HSD17B12: variants seen among roughly 807,000 people sequenced by gnomAD.
The protein encoded by HSD17B12 is very-long-chain 3-oxoacyl-CoA reductase.
In HSD17B12, 32 loss-of-function variants were observed where a neutral mutation model predicts 39.3. That is an observed-to-expected ratio of 0.81 (90% CI 0.61 to 1.09). HSD17B12 has a LOEUF of 1.09. Ranked by LOEUF, HSD17B12 falls within the 50% of genes least tolerant of loss-of-function variation. The pLI is 0.00. For missense variants in HSD17B12, 342 were observed against 382.9 expected, an observed-to-expected ratio of 0.89 and a Z score of 0.89; for synonymous variants, 150 against 146.7, an observed-to-expected ratio of 1.02 and a Z score of -0.16.
chr11:43,703,841 T>A (rs1221554323), intron 1 of HSD17B12, among the ~76,000 whole-genome samples: 1 of 152,172 alleles, frequency 6.6e-6, no homozygotes, highest in East Asian at 1.9e-4. Flanking sequence ...GTTTTAACTT[T>A]AAAAAAAGAA....
chr11:43,824,526 C>A (rs1048464939), intron 6 of HSD17B12, among the ~76,000 whole-genome samples: 1 of 152,146 alleles, frequency 6.6e-6, no homozygotes, highest in Admixed American at 6.5e-5. Context: ...ATAGATGGAG[C>A]CTTCTTGCCA....
chr11:43,613,102 A>G, the HSD17B12 span, among the ~76,000 whole-genome samples: 1 of 152,186 alleles, frequency 6.6e-6, no homozygotes, highest in African/African-American at 2.4e-5. Flanking sequence ...GAGGGTTTCA[A>G]GTAAAAGAAT....
At chr11:43,574,172 G>A in the HSD17B12 span, among the ~76,000 whole-genome samples, 1 of 152,202 alleles carries the variant, frequency 6.6e-6, no homozygotes, top group Admixed American at 6.5e-5. Context: ...GGTAGTGGAT[G>A]GGCTAAGCTT....
At chr11:43,703,452 C>T (rs1949986053) in intron 1 of HSD17B12, among the ~76,000 whole-genome samples, 1 of 152,184 alleles carries the variant, frequency 6.6e-6, no homozygotes, top group African/African-American at 2.4e-5. Flanking sequence ...CCTCGGCCTC[C>T]CAAAGTGCTG....
chr11:43,698,354 C>G (rs1590669591), intron 1 of HSD17B12, among the ~76,000 whole-genome samples: 6 of 152,300 alleles, frequency 3.9e-5, no homozygotes, highest in Admixed American at 3.9e-4. Context: ...GTCTAGCCAT[C>G]ATTTAAGTTG....
chr11:43,842,865 G>A (rs1016541146), intron 9 of HSD17B12, among the ~76,000 whole-genome samples: 6 of 152,204 alleles, frequency 3.9e-5, no homozygotes, highest in Admixed American at 2.6e-4. Context: ...ATTAGGCCTT[G>A]TGAACAGACA....
rs1173660644 is a variant in HSD17B12, at chr11:43,856,266, C to T, written c.*1018C>T. 2.6e-5 allele frequency: 4 copies of T among 152,136 alleles called. No individual in the cohort carries two copies. The highest frequency in any genetic ancestry group is 5.9e-5 in the Non-Finnish European group (4 of 68,032). The allele number at this position is 152,136 out of a possible 1,614,324, so 9.4% of individuals were successfully genotyped here. ...TTACAATGACTTAATATAAGACTGA[C>T]TTTTATCCTGCTTCATAACTTGTAT... is the stretch of plus-strand genomic sequence containing the variant. On this transcript the variant is annotated 3_prime_UTR_variant, in exon 11 of 11. Transcript: ENST00000278353.
the HSD17B12 span, among the ~76,000 whole-genome samples, chr11:43,566,975 T>C: frequency 6.6e-6 from 1 of 152,172 alleles, no homozygotes; most frequent in East Asian, 1.9e-4. Flanking sequence ...TTTATAACAG[T>C]CATATTAGGT....
chr11:43,723,000 A>G (rs983339484), intron 1 of HSD17B12, among the ~76,000 whole-genome samples: 4 of 152,200 alleles, frequency 2.6e-5, no homozygotes, highest in Non-Finnish European at 4.4e-5. Context: ...TGGAAGCAGA[A>G]TGGTCATTTA....
rs192151135 is a variant in HSD17B12 at position 43,854,586 on chromosome 11, C to G, written c.685-129C>G. The G allele has an allele frequency of 1.5e-4, 161 of 1,040,392 alleles. No individual in the cohort carries two copies. In the African/African-American group the frequency reaches 2.4e-3, roughly 16 times the overall value. The allele number at this position is 1,040,392 out of a possible 1,614,324, so 64.4% of individuals were successfully genotyped here. A position where few individuals can be genotyped will look rare whatever the true frequency, so the allele number is the denominator to read the frequency against. ...AAGTTGGCTTTAGATAGCCACTTCT[C>G]TTTTCTTCTCTCTCTGTAAAGATAC... On this transcript the variant is annotated intron_variant, in intron 9 of 10. Coordinates refer to ENST00000278353, the MANE Select transcript of HSD17B12 (RefSeq NM_016142.3).
intron 9 of HSD17B12, among the ~76,000 whole-genome samples, chr11:43,843,281 C>T (rs1951444114): frequency 6.6e-6 from 1 of 152,146 alleles, no homozygotes; most frequent in South Asian, 2.1e-4. Context: ...AAAATGTAGT[C>T]TAAATGAAGC....
At chr11:43,650,483 T>A in the HSD17B12 span, among the ~76,000 whole-genome samples, 2 of 152,180 alleles carry the variant, frequency 1.3e-5, no homozygotes, top group Non-Finnish European at 2.9e-5. Flanking sequence ...TTGGTGGGGA[T>A]GGGGGTTAGG....
At chr11:43,769,659 G>C (rs569612060) in intron 3 of HSD17B12, among the ~76,000 whole-genome samples, 1 of 152,298 alleles carries the variant, frequency 6.6e-6, no homozygotes, top group African/African-American at 2.4e-5. Flanking sequence ...TAAAATCAGT[G>C]TTTTTGACTT....
chr11:43,856,099 AT>A lies in HSD17B12; in HGVS notation c.*852del, dbSNP rs1951580959. 6.6e-6 allele frequency: 1 copy of A among 152,340 alleles called. No homozygotes were observed. The highest frequency in any genetic ancestry group is 1.5e-5 in the Non-Finnish European group (1 of 68,032). The allele number at this position is 152,340 out of a possible 1,614,324, so 9.4% of individuals were successfully genotyped here. ...GACACAGGCTAGTCCTATAAAAGTA[AT>A]GACTTCATAGAAATGGCATTATAAT... On this transcript the variant is annotated 3_prime_UTR_variant, in exon 11 of 11. Transcript: ENST00000278353.
chr11:43,781,780 TTAAC>T (rs974352707), intron 3 of HSD17B12, among the ~76,000 whole-genome samples: 151 of 152,332 alleles, frequency 9.9e-4, no homozygotes, highest in African/African-American at 3.5e-3. Context: ...TTAAGTGTAA[TTAAC>T]TAATGCTTTT....
chr11:43,713,756 G>A lies in HSD17B12; in HGVS notation c.160+32769G>A, dbSNP rs566466593. 3.0e-4 allele frequency among the ~76,000 whole-genome samples: 46 copies of A among 152,274 alleles called. 1 individual carries two copies. The South Asian group carries it at 8.5e-3, about 28-fold the overall frequency. On this transcript the variant is annotated intron_variant, in intron 1 of 10. Coordinates refer to ENST00000278353, the MANE Select transcript of HSD17B12 (RefSeq NM_016142.3). ...ACCGTCCCACCAACAGTGTAAAAGT[G>A]TTCCTATTTCTCCACATCCTCTCCA...
At chr11:43,800,948 G>A (rs1157827750) in intron 4 of HSD17B12, among the ~76,000 whole-genome samples, 6 of 152,128 alleles carry the variant, frequency 3.9e-5, no homozygotes, top group Non-Finnish European at 8.8e-5. Context: ...AGACCAGCCT[G>A]GCTAACATGA....
chr11:43,571,071 A>G, the HSD17B12 span, among the ~76,000 whole-genome samples: 3 of 152,246 alleles, frequency 2.0e-5, no homozygotes, highest in Non-Finnish European at 2.9e-5. Context: ...CCTACCAGAT[A>G]TAGTGATCCA....
intron 3 of HSD17B12, among the ~76,000 whole-genome samples, chr11:43,772,486 T>C (rs1167376585): frequency 6.6e-6 from 1 of 152,260 alleles, no homozygotes; most frequent in Non-Finnish European, 1.5e-5. Flanking sequence ...AATTACAAGA[T>C]GACTTTTGCA....
Sources: allele counts gnomAD v4.1 joint callset (sites outside exome capture counted in the v4.1 genomes callset), GRCh38; gene constraint gnomAD v4.1.1; transcripts MANE v1.5; gene names NCBI Gene and HGNC (gene_info 2026-07-23, HGNC 2026-07-21).